Variants in CTNNA3 observed in about 807,000 individuals in gnomAD.
The protein encoded by CTNNA3 is catenin alpha-3.
Under a neutral mutation model 95.7 loss-of-function variants are expected in CTNNA3, and 76 were observed. The observed-to-expected ratio is 0.79, with a 90% CI of 0.66 to 0.96. The LOEUF (loss-of-function observed/expected upper bound fraction) is 0.96, where lower values mean the gene tolerates loss of function less well. Ranked by LOEUF, CTNNA3 falls within the 40% of genes least tolerant of loss-of-function variation. The pLI, the probability that CTNNA3 is intolerant of heterozygous loss-of-function variation, is 0.00. For synonymous variants in CTNNA3, 431 were observed against 374.4 expected (o/e 1.15, Z -1.74); for missense variants, 1,191 against 1,089.8 (o/e 1.09, Z -1.31).
intron 13 of CTNNA3, among the ~76,000 whole-genome samples, chr10:66,269,890 T>C (rs2091239467): frequency 6.6e-6 from 1 of 152,158 alleles, no homozygotes; most frequent in African/African-American, 2.4e-5. Flanking sequence ...GGATCCGACT[T>C]TGCAGAAGCT....
chr10:67,097,918 A>G, intron 7 of CTNNA3: 2 of 816,322 alleles, frequency 2.5e-6, no homozygotes, highest in African/African-American at 1.7e-5. Context: ...TGTTCAAATA[A>G]ACAAAAAATC....
chr10:67,433,647 T>G lies in CTNNA3; in HGVS notation c.579+88195A>C, dbSNP rs559192484. 1.1e-4 allele frequency among the ~76,000 whole-genome samples: 16 copies of G among 152,180 alleles called. No individual in the cohort carries two copies. In the East Asian group the frequency reaches 1.5e-3, roughly 15 times the overall value. ...CATTTACAGTAAGAATTCAATGTAT[T>G]GAATGTATCAAATTAATATGTATGA... is the stretch of plus-strand genomic sequence containing the variant. On this transcript the variant is annotated intron_variant, in intron 5 of 17. Transcript: ENST00000433211.
chr10:67,025,143 A>AG (rs1199138180), intron 7 of CTNNA3, among the ~76,000 whole-genome samples: 4 of 151,144 alleles, frequency 2.6e-5, no homozygotes, highest in African/African-American at 9.8e-5. Context: ...AACAAAAAAA[A>AG]AAAAGAAAGA....
chr10:66,239,957 T>C (rs1170030407), intron 13 of CTNNA3, among the ~76,000 whole-genome samples: 7 of 152,002 alleles, frequency 4.6e-5, no homozygotes, highest in Admixed American at 3.3e-4. Flanking sequence ...CTATACCATA[T>C]AGATGGATCT....
chr10:67,608,750 T>C (rs10997755), intron 2 of CTNNA3, among the ~76,000 whole-genome samples: 20,033 of 152,132 alleles, frequency 0.13, 1,428 homozygotes, highest in Non-Finnish European at 0.16. Context: ...AAATTAAGCT[T>C]CTGTATTTGG....
At chr10:66,081,489 GA>G (rs1187887226) in intron 14 of CTNNA3, among the ~76,000 whole-genome samples, 8 of 151,632 alleles carry the variant, frequency 5.3e-5, no homozygotes, top group African/African-American at 1.7e-4. Context: ...TTTAAAAAAA[GA>G]AAAAAACTTT....
In CTNNA3 at chr10:67,055,396, G is replaced by C. The variant is rs116595083; in HGVS notation, c.1047+124921C>G. Among the ~76,000 whole-genome samples, 416 of 151,834 alleles carry C rather than the reference G, an allele frequency of 2.7e-3. 3 individuals carry two copies. Among genetic ancestry groups the C allele is most frequent in the African/African-American group, 9.4e-3 (387 of 41,388 alleles). On this transcript the variant is annotated intron_variant, in intron 7 of 17. Coordinates refer to ENST00000433211, the MANE Select transcript of CTNNA3 (RefSeq NM_013266.4). ...ACTATAGACACAGAAAGCAGTCATG[G>C]ACAGAGATTCACAACAGAACTTTAC...
chr10:66,679,106 T>A (rs1200271863), intron 9 of CTNNA3, among the ~76,000 whole-genome samples: 1 of 152,144 alleles, frequency 6.6e-6, no homozygotes. Flanking sequence ...ATCTAGGTGG[T>A]GAGCAGGGTG....
intron 6 of CTNNA3, 73 bp from the exon 7 acceptor site, chr10:67,180,593 G>C: frequency 7.7e-7 from 1 of 1,292,230 alleles, no homozygotes; most frequent in Non-Finnish European, 1.1e-6. Flanking sequence ...ATGTTATTTT[G>C]TTTTTGCATT....
intron 9 of CTNNA3, among the ~76,000 whole-genome samples, chr10:66,727,974 C>T (rs185567953): frequency 6.9e-4 from 105 of 152,098 alleles, no homozygotes; most frequent in African/African-American, 2.1e-3. Flanking sequence ...ATTAATGTGA[C>T]GAAATTTTGG....
chr10:67,480,698 T>G (rs1302369550), intron 5 of CTNNA3, among the ~76,000 whole-genome samples: 1 of 152,216 alleles, frequency 6.6e-6, no homozygotes, highest in African/African-American at 2.4e-5. Flanking sequence ...TGCTTATCAC[T>G]GGCTTATTGT....
chr10:66,118,230 T>C (rs1372184845), intron 13 of CTNNA3: 1 of 152,204 alleles, frequency 6.6e-6, no homozygotes, highest in Non-Finnish European at 1.5e-5. Context: ...CTTATGTCTT[T>C]GCTTTGTCCT....
chr10:66,092,487 C>T (rs577484959), intron 14 of CTNNA3, among the ~76,000 whole-genome samples: 1 of 151,934 alleles, frequency 6.6e-6, no homozygotes, highest in Non-Finnish European at 1.5e-5. Context: ...ACTTCACCAA[C>T]ATTCACCTCC....
chr10:67,204,800 G>A (rs1419677799), intron 6 of CTNNA3, among the ~76,000 whole-genome samples: 1 of 151,566 alleles, frequency 6.6e-6, no homozygotes, highest in Non-Finnish European at 1.5e-5. Flanking sequence ...TAATCTCCTT[G>A]AAAATTCAGA....
intron 9 of CTNNA3, among the ~76,000 whole-genome samples, chr10:66,649,249 A>G (rs1454525207): frequency 6.6e-6 from 1 of 152,178 alleles, no homozygotes; most frequent in African/African-American, 2.4e-5. Context: ...TAAGAATTAG[A>G]AAAGGTTTAT....
intron 1 of CTNNA3, among the ~76,000 whole-genome samples, chr10:67,668,881 C>T (rs893043422): frequency 8.3e-5 from 12 of 144,286 alleles, no homozygotes; most frequent in East Asian, 2.0e-4. Context: ...CACTGTCACC[C>T]GGGCTGGAGT....
rs150493599 is a variant in CTNNA3 at position 66,408,366 on chromosome 10, T to G, written c.1532-29014A>C. Among the ~76,000 whole-genome samples, 237 of 151,784 alleles carry G rather than the reference T, an allele frequency of 1.6e-3. 1 individual carries two copies. The highest frequency in any genetic ancestry group is 5.6e-3 in the African/African-American group (231 of 41,388). On this transcript the variant is annotated intron_variant, in intron 11 of 17. Transcript: ENST00000433211. ...CTTCAACTATAAAATTATAGTTCATTAAACCATTTATTTATTTTCATAGAG... is the reference window on the plus strand; with the variant it reads ...CTTCAACTATAAAATTATAGTTCATGAAACCATTTATTTATTTTCATAGAG...
intron 5 of CTNNA3, among the ~76,000 whole-genome samples, chr10:67,434,512 C>G (rs762287895): frequency 6.6e-6 from 1 of 151,806 alleles, no homozygotes; most frequent in Non-Finnish European, 1.5e-5. Context: ...GAAAGCATCC[C>G]CTATTATTTG....
chr10:66,893,816 C>G (rs1273930378), intron 7 of CTNNA3, among the ~76,000 whole-genome samples: 1 of 152,098 alleles, frequency 6.6e-6, no homozygotes, highest in Non-Finnish European at 1.5e-5. Context: ...TAAAAGAACA[C>G]AGATAATCAA....
Sources: allele counts gnomAD v4.1 joint callset (sites outside exome capture counted in the v4.1 genomes callset), GRCh38; gene constraint gnomAD v4.1.1; transcripts MANE v1.5; gene names NCBI Gene and HGNC (gene_info 2026-07-23, HGNC 2026-07-21).